Variants in CFAP54 observed in about 807,000 individuals in gnomAD.
CFAP54 encodes cilia- and flagella-associated protein 54.
CFAP54 carries 290 observed loss-of-function variants against 370.4 expected under a neutral mutation model. The ratio of observed to expected loss-of-function variants is 0.78; its 90% confidence interval spans 0.71 to 0.86. The LOEUF (loss-of-function observed/expected upper bound fraction) is 0.86, where lower values mean the gene tolerates loss of function less well. Ranked by LOEUF, CFAP54 falls within the 40% of genes least tolerant of loss-of-function variation. CFAP54 has a pLI of 0.00. For synonymous variants in CFAP54, 1,206 were observed against 1,236.5 expected, an observed-to-expected ratio of 0.98 and a Z score of 0.52; for missense variants, 3,399 against 3,528.7, an observed-to-expected ratio of 0.96 and a Z score of 0.93.
chr12:96,815,363 G>A (rs1046619686), intron 64 of CFAP54, among the ~76,000 whole-genome samples: 1 of 151,762 alleles, frequency 6.6e-6, no homozygotes, highest in Non-Finnish European at 1.5e-5. Context: ...TTTTTGAGAA[G>A]TGTCTTTTAT....
At chr12:96,565,916 T>C (rs1234731667) in intron 19 of CFAP54, among the ~76,000 whole-genome samples, 1 of 152,200 alleles carries the variant, frequency 6.6e-6, no homozygotes, top group Non-Finnish European at 1.5e-5. Flanking sequence ...GTGGAGATAA[T>C]TGAATCACGG....
chr12:96,708,701 TA>T lies in CFAP54; in HGVS notation c.6623del (p.Tyr2208SerfsTer4). ...AAATAAGTTTAATTTTGTTAAAGCATACTTTTTCCTAAGTGTGGCTGCGACA... is the reference window on the plus strand; with the variant it reads ...AAATAAGTTTAATTTTGTTAAAGCATCTTTTTCCTAAGTGTGGCTGCGACA... Reference protein sequence around the residue: ...LLNKFNFVKAYFFLSVAATIN... With the variant: ...LLNKFNFVKAXFFLSVAATIN... On this transcript the variant is annotated frameshift_variant, in exon 48 of 68. Transcript: ENST00000524981. LOFTEE classifies it high-confidence loss of function. The T allele has an allele frequency of 6.2e-7, 1 of 1,612,404 alleles. No individual in the cohort carries two copies. The highest frequency in any genetic ancestry group is 2.2e-5 in the East Asian group (1 of 44,820).
At chr12:96,802,679 T>C (rs1171256591) in intron 63 of CFAP54, among the ~76,000 whole-genome samples, 2 of 152,174 alleles carry the variant, frequency 1.3e-5, no homozygotes, top group Admixed American at 6.5e-5. Flanking sequence ...TGGTATACAT[T>C]TGCAGAACAT....
chr12:96,507,557 ACAT>A (rs1423924478), intron 4 of CFAP54, among the ~76,000 whole-genome samples: 4 of 111,760 alleles, frequency 3.6e-5, no homozygotes, highest in African/African-American at 1.2e-4. Flanking sequence ...ACACACACAC[ACAT>A]ACACACACAC....
At chr12:96,830,325 T>G (rs1266048805) in intron 66 of CFAP54, among the ~76,000 whole-genome samples, 1 of 152,220 alleles carries the variant, frequency 6.6e-6, no homozygotes, top group East Asian at 1.9e-4. Flanking sequence ...CAACAATGCA[T>G]AGAGGTTCCA....
chr12:96,738,337 C>A (rs747457293), intron 50 of CFAP54, among the ~76,000 whole-genome samples: 1 of 152,072 alleles, frequency 6.6e-6, no homozygotes, highest in African/African-American at 2.4e-5. Context: ...ACTGTTGTAG[C>A]AAAGTACCAA....
intron 44 of CFAP54, among the ~76,000 whole-genome samples, chr12:96,692,161 C>A (rs1443854435): frequency 6.6e-6 from 1 of 151,936 alleles, no homozygotes; most frequent in Admixed American, 6.6e-5. Flanking sequence ...ATATTTATTG[C>A]CCCCTGATAT....
chr12:96,732,960 CT>C (rs1371176111), intron 50 of CFAP54, among the ~76,000 whole-genome samples: 1 of 151,940 alleles, frequency 6.6e-6, no homozygotes, highest in Non-Finnish European at 1.5e-5. Flanking sequence ...ATCCTATACC[CT>C]TTTGGTATGA....
intron 51 of CFAP54, 73 bp from the exon 52 acceptor site, chr12:96,742,366 A>G (rs1958061949): frequency 1.8e-6 from 2 of 1,137,326 alleles, no homozygotes; most frequent in Non-Finnish European, 2.5e-6. Flanking sequence ...TTAAACTTAC[A>G]TTACATTTAG....
In CFAP54 at chr12:96,663,899, T is replaced by G; in HGVS notation, c.5530T>G (p.Cys1844Gly). The G allele has an allele frequency of 1.2e-6, 2 of 1,613,200 alleles. No homozygotes were observed. The highest frequency in any genetic ancestry group is 1.7e-6 in the Non-Finnish European group (2 of 1,179,534). ...NSSTIEATSNCTDLLKMLISS... is the reference protein window; with the variant it reads ...NSSTIEATSNGTDLLKMLISS... ...TTCAACCATTGAAGCAACAAGCAAC[T>G]GCACAGATTTGCTAAAAATGCTTAT... Residue 1844 changes from cysteine (C) to glycine (G), a missense_variant, in exon 39 of 68, where the codon TGC (cysteine) becomes GGC (glycine). Coordinates refer to ENST00000524981, the MANE Select transcript of CFAP54 (RefSeq NM_001306084.2).
In CFAP54 at chr12:96,708,764, A is replaced by T; in HGVS notation, c.6685A>T (p.Ile2229Phe). ...CCCAGAAAATAAATTTAAGACAGTA[A>T]TTACCAACAAGAGCAAACCAAACCT... ...CVPENKFKTV[I>F]TNKSKPNLPN... Residue 2229 changes from isoleucine to phenylalanine, a missense_variant, in exon 48 of 68, where the codon ATT becomes TTT. Transcript: ENST00000524981. 1 of 1,608,918 alleles carries T rather than the reference A, an allele frequency of 6.2e-7. No individual in the cohort carries two copies. Among genetic ancestry groups the T allele is most frequent in the East Asian group, 2.2e-5 (1 of 44,798 alleles).
chr12:96,862,118 A>G (rs1461649248), intron 67 of CFAP54, among the ~76,000 whole-genome samples: 5 of 152,178 alleles, frequency 3.3e-5, no homozygotes, highest in Non-Finnish European at 7.3e-5. Context: ...ATTTTATGTT[A>G]CTACCTAAGC....
intron 41 of CFAP54, 77 bp downstream of exon 41, chr12:96,684,812 C>A: frequency 8.0e-7 from 1 of 1,248,276 alleles, no homozygotes; most frequent in Non-Finnish European, 1.1e-6. Flanking sequence ...AATGAAAAAA[C>A]ATTGTCTTTC....
Position 96,786,833 on chromosome 12 carries a change from G to A in CFAP54, c.8614G>A (p.Glu2872Lys), listed in dbSNP as rs577174488. 14 of 1,535,472 alleles carry A rather than the reference G, an allele frequency of 9.1e-6. No homozygotes were observed. The highest frequency in any genetic ancestry group is 1.2e-5 in the Non-Finnish European group (14 of 1,146,610). The change falls in exon 62 of 68, where the codon GAA (glutamate) becomes AAA (lysine). Residue 2872 changes from glutamate to lysine, a missense_variant. Transcript: ENST00000524981. ...TTCTTGTATTGATGAATTTCCAAAA[G>A]AACTTCTTTGTCAACTGGAAAATCC... ...SSSCIDEFPK[E>K]LLCQLENPPL... is the part of the protein sequence containing the mutation.
chr12:96,508,178 G>A (rs1364343625), intron 4 of CFAP54, among the ~76,000 whole-genome samples: 1 of 139,010 alleles, frequency 7.2e-6, no homozygotes, highest in African/African-American at 2.7e-5. Flanking sequence ...CTCACCCAGA[G>A]TGGAGTGCAG....
At chr12:96,731,979 A>G (rs1317019533) in intron 50 of CFAP54, among the ~76,000 whole-genome samples, 1 of 152,210 alleles carries the variant, frequency 6.6e-6, no homozygotes, top group Non-Finnish European at 1.5e-5. Context: ...GCAGCTATTC[A>G]AATACTTCTC....
rs1206967444 is a variant in CFAP54, at chr12:96,664,780, T to G, written c.5563+848T>G. On this transcript the variant is annotated intron_variant, in intron 39 of 67. Transcript: ENST00000524981. ...CTATATATATCTATATCTATATCTA[T>G]ATATATATATATATATATATATATA... 5.0e-3 allele frequency among the ~76,000 whole-genome samples: 316 copies of G among 63,312 alleles called. 10 individuals carry two copies. The highest frequency in any genetic ancestry group is 0.02 in the African/African-American group (240 of 11,766). The allele number at this position is 63,312 out of a possible 152,430, so 41.5% of individuals were successfully genotyped here.
chr12:96,811,666 A>G, intron 63 of CFAP54, 70 bp from the exon 64 acceptor site: 1 of 778,900 alleles, frequency 1.3e-6, no homozygotes, highest in Admixed American at 3.3e-5. Context: ...TTTGTGAACT[A>G]ATGCTGTAGT....
chr12:96,837,476 A>C (rs986147903), intron 66 of CFAP54, among the ~76,000 whole-genome samples: 1 of 151,748 alleles, frequency 6.6e-6, no homozygotes, highest in African/African-American at 2.4e-5. Context: ...TGTACTTAAT[A>C]GTTTTTATCA....
Sources: allele counts gnomAD v4.1 joint callset (sites outside exome capture counted in the v4.1 genomes callset), GRCh38; gene constraint gnomAD v4.1.1; transcripts MANE v1.5; gene names NCBI Gene and HGNC (gene_info 2026-07-23, HGNC 2026-07-21).